EXOC4: variants seen among roughly 807,000 people sequenced by gnomAD.
EXOC4 encodes the protein exocyst complex component 4, also known as SEC8-like 1.
A neutral mutation model predicts 107.2 loss-of-function variants in EXOC4; 71 were observed. That is an observed-to-expected ratio of 0.66 (90% CI 0.55 to 0.81). EXOC4 has a LOEUF of 0.81. Ranked by LOEUF, EXOC4 falls within the 30% of genes least tolerant of loss-of-function variation. The pLI, the probability that EXOC4 is intolerant of heterozygous loss-of-function variation, is 0.00. For missense variants in EXOC4, 1,108 were observed against 1,189.6 expected (o/e 0.93, Z 1.01); for synonymous variants, 456 against 441.2 (o/e 1.03, Z -0.42).
intron 10 of EXOC4, among the ~76,000 whole-genome samples, chr7:133,800,592 C>T (rs1390266758): frequency 6.6e-6 from 1 of 152,178 alleles, no homozygotes; most frequent in Non-Finnish European, 1.5e-5. Context: ...ACTGAATTTT[C>T]AGTCCTCTGA....
At chr7:133,989,445 T>C (rs1585303974) in intron 14 of EXOC4, among the ~76,000 whole-genome samples, 1 of 152,204 alleles carries the variant, frequency 6.6e-6, no homozygotes, top group African/African-American at 2.4e-5. Context: ...GGAATACCAC[T>C]AGAGGAAAAA....
chr7:133,604,706 C>CTTTTTTTTTTTTTTTTTTTTTTTTTTT lies in EXOC4; in HGVS notation c.1418-25336_1418-25335insTTTTTTTTTTTTTTTTTTTTTTTTTTT, dbSNP rs1554477961. On this transcript the variant is annotated intron_variant, in intron 9 of 17. Transcript: ENST00000253861. ...TTTTTCTTTCCTTCCTTCCTTCCTTCTTTCTTTTTTTTTTTTTTTTTTTTT... is the reference window on the plus strand; with the variant it reads ...TTTTTCTTTCCTTCCTTCCTTCCTTCTTTTTTTTTTTTTTTTTTTTTTTTTTTTTTCTTTTTTTTTTTTTTTTTTTTT... 5.6e-4 allele frequency among the ~76,000 whole-genome samples: 49 copies of CTTTTTTTTTTTTTTTTTTTTTTTTTTT among 87,548 alleles called. 9 individuals are homozygous for CTTTTTTTTTTTTTTTTTTTTTTTTTTT. Among genetic ancestry groups the CTTTTTTTTTTTTTTTTTTTTTTTTTTT allele is most frequent in the Non-Finnish European group, 6.8e-4 (30 of 44,054 alleles). The allele number at this position is 87,548 out of a possible 152,430, so 57.4% of individuals were successfully genotyped here. A position where few individuals can be genotyped will look rare whatever the true frequency, so the allele number is the denominator to read the frequency against.
At chr7:133,512,783 T>C (rs949654437) in intron 9 of EXOC4, among the ~76,000 whole-genome samples, 1 of 152,158 alleles carries the variant, frequency 6.6e-6, no homozygotes, top group Non-Finnish European at 1.5e-5. Flanking sequence ...CCTCAGTCTG[T>C]TACATTAAGG....
At chr7:133,535,071 A>T (rs976434750) in intron 9 of EXOC4, among the ~76,000 whole-genome samples, 2 of 152,126 alleles carry the variant, frequency 1.3e-5, no homozygotes, top group African/African-American at 4.8e-5. Flanking sequence ...GAGCACGTGG[A>T]AGAACCGTAT....
chr7:133,535,964 G>A (rs797017237), intron 9 of EXOC4, among the ~76,000 whole-genome samples: 6 of 152,282 alleles, frequency 3.9e-5, no homozygotes, highest in African/African-American at 1.4e-4. Flanking sequence ...ATGACAGTCT[G>A]AGTTTTAAAA....
At chr7:133,843,940 T>A (rs1176892237) in intron 11 of EXOC4, among the ~76,000 whole-genome samples, 1 of 152,210 alleles carries the variant, frequency 6.6e-6, no homozygotes, top group Non-Finnish European at 1.5e-5. Context: ...TTGTTTTTAG[T>A]TCTGTTTATG....
chr7:134,008,866 C>T (rs1479324314), intron 17 of EXOC4, among the ~76,000 whole-genome samples: 2 of 152,022 alleles, frequency 1.3e-5, no homozygotes, highest in African/African-American at 4.8e-5. Context: ...CCTGGCCTCA[C>T]GCAATCCTCC....
chr7:133,320,761 A>T (rs1795092520), intron 5 of EXOC4, among the ~76,000 whole-genome samples: 1 of 152,230 alleles, frequency 6.6e-6, no homozygotes, highest in Non-Finnish European at 1.5e-5. Context: ...ATTGCAGTGT[A>T]GTCTTTAGGA....
chr7:133,999,314 C>G (rs1794473629), intron 15 of EXOC4, among the ~76,000 whole-genome samples: 1 of 152,116 alleles, frequency 6.6e-6, no homozygotes, highest in South Asian at 2.1e-4. Flanking sequence ...GGATTTCTTT[C>G]CAGGGTGACT....
At chr7:133,936,478 T>G (rs1164921014) in intron 13 of EXOC4, among the ~76,000 whole-genome samples, 1 of 152,210 alleles carries the variant, frequency 6.6e-6, no homozygotes, top group East Asian at 1.9e-4. Context: ...CTAGTTAAAT[T>G]AAGCCCTTGC....
chr7:133,511,438 A>G (rs1200102021), intron 9 of EXOC4, among the ~76,000 whole-genome samples: 1 of 152,188 alleles, frequency 6.6e-6, no homozygotes, highest in Non-Finnish European at 1.5e-5. Flanking sequence ...AACTCATTTC[A>G]GTGTTCTCTC....
intron 10 of EXOC4, among the ~76,000 whole-genome samples, chr7:133,697,603 G>A (rs1585086104): frequency 6.6e-6 from 1 of 152,198 alleles, no homozygotes; most frequent in South Asian, 2.1e-4. Context: ...TATTCAAGGG[G>A]CCTTGGCCAT....
intron 17 of EXOC4, among the ~76,000 whole-genome samples, chr7:134,019,043 C>T (rs1452828543): frequency 6.6e-6 from 1 of 152,174 alleles, no homozygotes; most frequent in East Asian, 1.9e-4. Flanking sequence ...GATTCTCCTG[C>T]CTCAGCCTCC....
rs368065264 is a variant in EXOC4, at chr7:133,604,983, C to T, written c.1418-25062C>T. Among the ~76,000 whole-genome samples the T allele has an allele frequency of 2.0e-5, 3 of 151,974 alleles. No individual in the cohort carries two copies. The East Asian group carries it at 5.8e-4, about 29-fold the overall frequency. On this transcript the variant is annotated intron_variant, in intron 9 of 17. Coordinates refer to ENST00000253861, the MANE Select transcript of EXOC4 (RefSeq NM_021807.4). The stretch of plus-strand genomic sequence containing the variant: ...CAGGTGATCCACCCACCTCGGCCTC[C>T]CAAAGTGCTGGGATTACAGGCATGA...
chr7:133,398,293 C>T (rs1228432572), intron 7 of EXOC4, among the ~76,000 whole-genome samples: 1 of 152,150 alleles, frequency 6.6e-6, no homozygotes, highest in Non-Finnish European at 1.5e-5. Flanking sequence ...AGCAATGACA[C>T]AGTTAGTATA....
chr7:133,584,407 A>G (rs1332980348), intron 9 of EXOC4, among the ~76,000 whole-genome samples: 2 of 152,214 alleles, frequency 1.3e-5, no homozygotes, highest in Non-Finnish European at 2.9e-5. Flanking sequence ...ATCATTCTCA[A>G]TGTAGTTGGA....
intron 11 of EXOC4, among the ~76,000 whole-genome samples, chr7:133,877,202 C>A (rs1327578797): frequency 6.6e-6 from 1 of 152,094 alleles, no homozygotes; most frequent in African/African-American, 2.4e-5. Flanking sequence ...AGACATAGGA[C>A]CCTATTCCTA....
intron 8 of EXOC4, chr7:133,479,143 C>T (rs1326115978): frequency 1.3e-5 from 2 of 152,176 alleles, no homozygotes; most frequent in Admixed American, 1.3e-4. Context: ...AAGGATTCCT[C>T]CATCTGGCAG....
At chr7:133,518,251 G>A (rs957267383) in intron 9 of EXOC4, among the ~76,000 whole-genome samples, 3 of 151,916 alleles carry the variant, frequency 2.0e-5, no homozygotes, top group Admixed American at 6.6e-5. Flanking sequence ...GTCCAAAAGC[G>A]GTGTGCACGC....
Sources: allele counts gnomAD v4.1 joint callset (sites outside exome capture counted in the v4.1 genomes callset), GRCh38; gene constraint gnomAD v4.1.1; transcripts MANE v1.5; gene names NCBI Gene and HGNC (gene_info 2026-07-23, HGNC 2026-07-21).